Variants in ADAMTS6 observed in about 807,000 individuals in gnomAD.
ADAMTS6 encodes A disintegrin and metalloproteinase with thrombospondin motifs 6.
ADAMTS6 carries 23 observed loss-of-function variants against 144.3 expected under a neutral mutation model. The ratio of observed to expected loss-of-function variants is 0.16; its 90% CI spans 0.11 to 0.23. The LOEUF is 0.23. ADAMTS6 is among the 10% of genes least tolerant of loss of function. The pLI, the probability that ADAMTS6 is intolerant of heterozygous loss-of-function variation, is 1.00. For missense variants in ADAMTS6, 999 were observed against 1,379.6 expected, an observed-to-expected ratio of 0.72 and a Z score of 4.37; for synonymous variants, 444 against 457.5, an observed-to-expected ratio of 0.97 and a Z score of 0.38.
intron 7 of ADAMTS6, among the ~76,000 whole-genome samples, chr5:65,408,599 A>C (rs1754780869): frequency 6.6e-6 from 1 of 152,162 alleles, no homozygotes; most frequent in Non-Finnish European, 1.5e-5. Context: ...ACAAGACAGA[A>C]AGTTAACAGA....
intron 7 of ADAMTS6, among the ~76,000 whole-genome samples, chr5:65,389,852 T>C (rs1402300467): frequency 6.6e-6 from 1 of 152,230 alleles, no homozygotes; most frequent in Non-Finnish European, 1.5e-5. Context: ...TTACTGCTTA[T>C]GCAATGTCAT....
rs563219833 is a variant in ADAMTS6, at chr5:65,303,699, T to C, written c.1224-3568A>G. Among the ~76,000 whole-genome samples, 10 of 151,990 alleles carry C rather than the reference T, an allele frequency of 6.6e-5. No individual in the cohort carries two copies. The East Asian group carries it at 1.3e-3, about 20-fold the overall frequency. On this transcript the variant is annotated intron_variant, in intron 9 of 24. Transcript: ENST00000381055. ...GGATATATTAAAATATACATTAAGA[T>C]AAAGTTCTAAAGGGGAATGAGCACA... is the stretch of plus-strand genomic sequence containing the variant.
At chr5:65,166,883 G>C (rs1753199951) in intron 24 of ADAMTS6, among the ~76,000 whole-genome samples, 1 of 129,718 alleles carries the variant, frequency 7.7e-6, no homozygotes, top group Admixed American at 7.9e-5. Flanking sequence ...ATTCAAAGCA[G>C]TGTGTAGAGG....
chr5:65,300,917 C>T (rs1743308610), intron 9 of ADAMTS6, among the ~76,000 whole-genome samples: 1 of 152,148 alleles, frequency 6.6e-6, no homozygotes, highest in Non-Finnish European at 1.5e-5. Flanking sequence ...AGGCGGGAGC[C>T]ACCGCGCCCG....
Position 65,257,067 on chromosome 5 carries a change from A to T in ADAMTS6, c.1830+3533T>A, listed in dbSNP as rs147889236. Among the ~76,000 whole-genome samples, 6 of 145,806 alleles carry T rather than the reference A, an allele frequency of 4.1e-5. No homozygotes were observed. In the East Asian group the frequency reaches 1.2e-3, roughly 30 times the overall value. ...ATGGTCTTGAACTCCTGGACTCAAGAGATCTGCCTGCCTCAGCCTCCCAAA... is the reference window on the plus strand; with the variant it reads ...ATGGTCTTGAACTCCTGGACTCAAGTGATCTGCCTGCCTCAGCCTCCCAAA... On this transcript the variant is annotated intron_variant, in intron 14 of 24. Transcript: ENST00000381055.
intron 22 of ADAMTS6, among the ~76,000 whole-genome samples, chr5:65,175,407 A>C (rs1160810829): frequency 1.3e-5 from 2 of 151,696 alleles, no homozygotes; most frequent in Non-Finnish European, 2.9e-5. Flanking sequence ...GGAAAAAAAA[A>C]CAGTGTACCC....
chr5:65,269,614 G>T (rs921602366), intron 12 of ADAMTS6, among the ~76,000 whole-genome samples: 3 of 151,962 alleles, frequency 2.0e-5, no homozygotes, highest in Non-Finnish European at 4.4e-5. Flanking sequence ...GAAAGACCTG[G>T]GCTGAAATGT....
chr5:65,394,448 A>G (rs1483040706), intron 7 of ADAMTS6, among the ~76,000 whole-genome samples: 2 of 152,218 alleles, frequency 1.3e-5, no homozygotes, highest in African/African-American at 4.8e-5. Flanking sequence ...ACCACGAGCA[A>G]TAATAAAAAT....
At chr5:65,419,748 T>A (rs1755856055) in intron 7 of ADAMTS6, among the ~76,000 whole-genome samples, 1 of 152,198 alleles carries the variant, frequency 6.6e-6, no homozygotes, top group Admixed American at 6.5e-5. Flanking sequence ...AAAGGCCACA[T>A]ATTGTGTGGT....
chr5:65,333,379 C>T (rs952044564), intron 8 of ADAMTS6, among the ~76,000 whole-genome samples: 12 of 151,554 alleles, frequency 7.9e-5, no homozygotes, highest in Non-Finnish European at 1.8e-4. Context: ...TAGAATACTA[C>T]AAAAATGCTT....
In ADAMTS6 at chr5:65,473,800, A is replaced by G; in HGVS notation, c.-127T>C. The G allele has an allele frequency of 1.4e-6, 1 of 690,466 alleles. No individual in the cohort carries two copies. The highest frequency in any genetic ancestry group is 2.5e-6 in the Non-Finnish European group (1 of 393,432). 42.8% of individuals were successfully genotyped at this position (690,466 alleles called of 1,614,324 possible). On this transcript the variant is annotated 5_prime_UTR_variant, in exon 2 of 25. Coordinates refer to ENST00000381055, the MANE Select transcript of ADAMTS6 (RefSeq NM_197941.4). ...TTGCAAATTAGTTATTGGATGTTCC[A>G]CTGTTTAAGAGCCACTTTTATCCAA...
chr5:65,467,768 A>G (rs911105855), intron 3 of ADAMTS6, among the ~76,000 whole-genome samples: 5 of 152,186 alleles, frequency 3.3e-5, no homozygotes, highest in Non-Finnish European at 7.3e-5. Flanking sequence ...TTCTGAGGTA[A>G]TTTTTGAAGA....
chr5:65,279,061 A>T (rs533233418), intron 11 of ADAMTS6, among the ~76,000 whole-genome samples: 3 of 151,296 alleles, frequency 2.0e-5, no homozygotes, highest in African/African-American at 7.3e-5. Context: ...CTCCCACCTC[A>T]TCCCCCAAAG....
intron 7 of ADAMTS6, among the ~76,000 whole-genome samples, chr5:65,377,440 T>C (rs1394239117): frequency 6.6e-6 from 1 of 152,204 alleles, no homozygotes; most frequent in African/African-American, 2.4e-5. Context: ...TATCTTTAAA[T>C]ACCTCCTAAA....
chr5:65,458,124 C>T (rs1413890210), intron 4 of ADAMTS6, among the ~76,000 whole-genome samples: 3 of 152,054 alleles, frequency 2.0e-5, no homozygotes, highest in South Asian at 2.1e-4. Context: ...CATTTCATTA[C>T]TCAATATAAA....
intron 11 of ADAMTS6, among the ~76,000 whole-genome samples, chr5:65,283,474 A>G (rs1763139116): frequency 1.3e-5 from 2 of 152,108 alleles, no homozygotes. Flanking sequence ...AAAAGAAAAG[A>G]AAAAACCTCT....
At chr5:65,383,584 C>G (rs1171820999) in intron 7 of ADAMTS6, among the ~76,000 whole-genome samples, 1 of 152,088 alleles carries the variant, frequency 6.6e-6, no homozygotes, top group Non-Finnish European at 1.5e-5. Flanking sequence ...ATCCTACTCT[C>G]AAGGCTTTGC....
chr5:65,340,217 G>A (rs1561442500), intron 7 of ADAMTS6, among the ~76,000 whole-genome samples: 1 of 151,786 alleles, frequency 6.6e-6, no homozygotes, highest in Non-Finnish European at 1.5e-5. Context: ...ATGAGAAGGT[G>A]TATTTAAAGC....
At chr5:65,276,520 A>C (rs1762558555) in intron 11 of ADAMTS6, among the ~76,000 whole-genome samples, 1 of 152,236 alleles carries the variant, frequency 6.6e-6, no homozygotes, top group African/African-American at 2.4e-5. Context: ...TTGAAAGATA[A>C]AAAGAAAATT....
Sources: allele counts gnomAD v4.1 joint callset (sites outside exome capture counted in the v4.1 genomes callset), GRCh38; gene constraint gnomAD v4.1.1; transcripts MANE v1.5; gene names NCBI Gene and HGNC (gene_info 2026-07-23, HGNC 2026-07-21).